Variants in ASAP1 observed in about 807,000 individuals in gnomAD.
ASAP1 encodes arf-GAP with SH3 domain, ANK repeat and PH domain-containing protein 1.
A neutral mutation model predicts 145.2 loss-of-function variants in ASAP1; 43 were observed. The observed-to-expected ratio is 0.30, with a 90% CI of 0.23 to 0.38. The LOEUF (loss-of-function observed/expected upper bound fraction) is 0.38, where lower values mean the gene tolerates loss of function less well. Among genes scored for constraint, ASAP1 ranks in the 10% least tolerant of loss-of-function variants. ASAP1 has a pLI of 1.00. For missense variants in ASAP1, 1,018 were observed against 1,355.3 expected, an observed-to-expected ratio of 0.75 and a Z score of 3.91; for synonymous variants, 546 against 515.5, an observed-to-expected ratio of 1.06 and a Z score of -0.80.
At chr8:130,284,148 C>T (rs575622838) in intron 3 of ASAP1, among the ~76,000 whole-genome samples, 11 of 152,196 alleles carry the variant, frequency 7.2e-5, no homozygotes, top group African/African-American at 2.6e-4. Context: ...AAATGGCCAA[C>T]CGAATGTGTA....
chr8:130,072,305 G>A (rs1000026628), intron 27 of ASAP1, among the ~76,000 whole-genome samples: 27 of 152,158 alleles, frequency 1.8e-4, no homozygotes, highest in African/African-American at 6.5e-4. Context: ...GTTGTGGGAG[G>A]GATCTGATGG....
At chr8:130,433,265 AAC>A (rs1830199938) in intron 1 of ASAP1, among the ~76,000 whole-genome samples, 1 of 152,176 alleles carries the variant, frequency 6.6e-6, no homozygotes, top group South Asian at 2.1e-4. Flanking sequence ...TTTCTCCTTG[AAC>A]ACATTTTCCT....
At chr8:130,255,208 G>GGACA (rs1565140529) in intron 3 of ASAP1, among the ~76,000 whole-genome samples, 1 of 152,022 alleles carries the variant, frequency 6.6e-6, no homozygotes, top group Non-Finnish European at 1.5e-5. Flanking sequence ...AAGGCACTTA[G>GGACA]GACACCTGGT....
At chr8:130,369,190 A>G (rs1433435796) in intron 2 of ASAP1, among the ~76,000 whole-genome samples, 1 of 152,198 alleles carries the variant, frequency 6.6e-6, no homozygotes, top group Non-Finnish European at 1.5e-5. Flanking sequence ...AGTGTTTCAG[A>G]TATTTTTTTT....
At chr8:130,090,297 T>TA (rs5895036) in intron 25 of ASAP1, among the ~76,000 whole-genome samples, 85,863 of 152,038 alleles carry the variant, frequency 0.56, 24,429 homozygotes, top group East Asian at 0.69. Context: ...GATTAAAACT[T>TA]AAGAGAAATT....
intron 9 of ASAP1, among the ~76,000 whole-genome samples, chr8:130,172,610 C>A (rs1346229641): frequency 6.6e-6 from 1 of 152,108 alleles, no homozygotes; most frequent in East Asian, 1.9e-4. Context: ...AGCCATATTT[C>A]AAGTGCTTGG....
At chr8:130,237,080 G>A (rs191238213) in intron 3 of ASAP1, 86 bp from the exon 4 acceptor site, 73 of 997,770 alleles carry the variant, frequency 7.3e-5, no homozygotes, top group Admixed American at 6.5e-4. Flanking sequence ...AATTGCATTT[G>A]TTTTCCTGAG....
At chr8:130,190,962 C>T (rs1815095694) in intron 5 of ASAP1, among the ~76,000 whole-genome samples, 1 of 152,076 alleles carries the variant, frequency 6.6e-6, no homozygotes, top group Non-Finnish European at 1.5e-5. Context: ...GGGACTTTGA[C>T]TTTTCTGTTC....
chr8:130,394,697 A>T (rs141129995), intron 2 of ASAP1, among the ~76,000 whole-genome samples: 1 of 152,116 alleles, frequency 6.6e-6, no homozygotes. Context: ...ATGTCTCCCC[A>T]GGACACCCAG....
intron 18 of ASAP1, among the ~76,000 whole-genome samples, chr8:130,120,328 C>A (rs2097563745): frequency 6.6e-6 from 1 of 152,224 alleles, no homozygotes; most frequent in Non-Finnish European, 1.5e-5. Context: ...GAGCAGCAGA[C>A]TTAAAAATTA....
At chr8:130,334,422 T>C (rs564614762) in intron 3 of ASAP1, among the ~76,000 whole-genome samples, 12 of 152,358 alleles carry the variant, frequency 7.9e-5, no homozygotes, top group African/African-American at 2.2e-4. Flanking sequence ...GTGTTTCACA[T>C]AGATTCAGCT....
intron 2 of ASAP1, among the ~76,000 whole-genome samples, chr8:130,392,138 G>T (rs1352318595): frequency 6.6e-6 from 1 of 152,164 alleles, no homozygotes; most frequent in Non-Finnish European, 1.5e-5. Context: ...ATCATTTGTG[G>T]AATAGTTTTT....
At chr8:130,160,043 T>TAGACCCAGACCAG in intron 11 of ASAP1, 79 bp from the exon 12 acceptor site, 1 of 1,213,230 alleles carries the variant, frequency 8.2e-7, no homozygotes, top group Non-Finnish European at 1.2e-6. Flanking sequence ...CATTGAGCCT[T>TAGACCCAGACCAG]TGGCACTGGT....
chr8:130,380,903 G>A (rs1244901275), intron 2 of ASAP1, among the ~76,000 whole-genome samples: 1 of 151,902 alleles, frequency 6.6e-6, no homozygotes, highest in African/African-American at 2.4e-5. Flanking sequence ...TTTATTTATT[G>A]AGACAGGGTC....
At chr8:130,321,192 T>C (rs543976906) in intron 3 of ASAP1, among the ~76,000 whole-genome samples, 27 of 152,248 alleles carry the variant, frequency 1.8e-4, no homozygotes, top group African/African-American at 6.5e-4. Flanking sequence ...ACATGGATTA[T>C]AGTGAATAAG....
chr8:130,282,505 A>G (rs959150323), intron 3 of ASAP1, among the ~76,000 whole-genome samples: 2 of 152,170 alleles, frequency 1.3e-5, no homozygotes, highest in African/African-American at 4.8e-5. Context: ...TACCATCTGC[A>G]CTCCACGTGG....
At chr8:130,101,631 C>T (rs767504528) in intron 24 of ASAP1, among the ~76,000 whole-genome samples, 32 of 151,000 alleles carry the variant, frequency 2.1e-4, no homozygotes, top group Non-Finnish European at 4.7e-4. Context: ...AGTGCAGTAG[C>T]GTAATCACAG....
chr8:130,395,926 A>G (rs988170860), intron 2 of ASAP1, among the ~76,000 whole-genome samples: 10 of 152,180 alleles, frequency 6.6e-5, no homozygotes, highest in African/African-American at 2.4e-4. Context: ...TCCGTCTCCC[A>G]AAGTGCTGGG....
chr8:130,337,535 T>C (rs1178643499), intron 3 of ASAP1, among the ~76,000 whole-genome samples: 1 of 152,190 alleles, frequency 6.6e-6, no homozygotes, highest in African/African-American at 2.4e-5. Context: ...AACATGTCCA[T>C]GATAATTAAC....
Sources: gnomAD v4.1 joint callset for allele counts (sites outside exome capture counted in the v4.1 genomes callset) on GRCh38, gnomAD v4.1.1 for gene constraint, MANE v1.5 for transcripts, NCBI Gene and HGNC (gene_info 2026-07-23, HGNC 2026-07-21) for gene names.